The following CAMK2D variants were observed in gnomAD, a reference collection of about 807,000 sequenced individuals.
CAMK2D encodes calcium/calmodulin-dependent protein kinase type II subunit delta.
CAMK2D carries 37 observed loss-of-function variants against 84.0 expected under a neutral mutation model. The observed-to-expected ratio is 0.44, with a 90% CI of 0.34 to 0.58. The LOEUF (loss-of-function observed/expected upper bound fraction) is 0.58, where lower values mean the gene tolerates loss of function less well. CAMK2D is among the 20% of genes least tolerant of loss of function. CAMK2D has a pLI of 0.02. For synonymous variants in CAMK2D, 202 were observed against 212.5 expected (o/e 0.95, Z 0.43); for missense variants, 448 against 652.5 (o/e 0.69, Z 3.41).
Position 113,526,414 on chromosome 4 carries a change from ATG to A in CAMK2D, c.601+4800_601+4801del, listed in dbSNP as rs35503858. Among the ~76,000 whole-genome samples the A allele has an allele frequency of 1.5e-3, 226 of 149,656 alleles. 2 individuals are homozygous for A. Among genetic ancestry groups the A allele is most frequent in the Admixed American group, 6.0e-3 (90 of 15,032 alleles). On this transcript the variant is annotated intron_variant, in intron 8 of 20. Coordinates refer to ENST00000511664, the MANE Select transcript of CAMK2D (RefSeq NM_001321571.2). ...ATAAGTTTCTAAGGAGTCATTCTTG[ATG>A]TGTGTGTGTGTGTGTGTGTGTGTGT...
chr4:113,732,379 T>C (rs554816429), intron 2 of CAMK2D, among the ~76,000 whole-genome samples: 3 of 152,170 alleles, frequency 2.0e-5, no homozygotes, highest in African/African-American at 7.2e-5. Context: ...TGCATGGGCC[T>C]CCCAAAATGC....
At chr4:113,728,380 C>T (rs2099552471) in intron 2 of CAMK2D, among the ~76,000 whole-genome samples, 1 of 152,040 alleles carries the variant, frequency 6.6e-6, no homozygotes, top group African/African-American at 2.4e-5. Flanking sequence ...TGTTCTATTC[C>T]ATTCACATGA....
chr4:113,704,741 T>C (rs1429886550), intron 2 of CAMK2D, among the ~76,000 whole-genome samples: 3 of 152,108 alleles, frequency 2.0e-5, no homozygotes, highest in African/African-American at 7.2e-5. Flanking sequence ...GTTTATTTAC[T>C]CTAGGTTAAG....
chr4:113,686,464 T>G (rs1249173907), intron 2 of CAMK2D, among the ~76,000 whole-genome samples: 2 of 152,218 alleles, frequency 1.3e-5, no homozygotes, highest in Non-Finnish European at 2.9e-5. Context: ...CTCAAAATCT[T>G]AAGTAAGGTA....
chr4:113,760,021 A>G (rs987963518), intron 1 of CAMK2D, among the ~76,000 whole-genome samples: 1 of 152,184 alleles, frequency 6.6e-6, no homozygotes, highest in Non-Finnish European at 1.5e-5. Flanking sequence ...TATTACTTTT[A>G]AAAATATTTA....
At chr4:113,702,425 G>A (rs1002049248) in intron 2 of CAMK2D, among the ~76,000 whole-genome samples, 5 of 152,126 alleles carry the variant, frequency 3.3e-5, no homozygotes, top group Non-Finnish European at 7.3e-5. Flanking sequence ...TATGGCCAAA[G>A]GGACCATCAT....
chr4:113,755,153 C>A, intron 2 of CAMK2D: 1 of 535,642 alleles, frequency 1.9e-6, no homozygotes, highest in Non-Finnish European at 2.4e-6. Flanking sequence ...TTTACAACAT[C>A]AAAAAAGGTT....
At chr4:113,578,783 GAGA>G (rs377303964) in intron 4 of CAMK2D, among the ~76,000 whole-genome samples, 11 of 152,182 alleles carry the variant, frequency 7.2e-5, no homozygotes, top group African/African-American at 2.7e-4. Flanking sequence ...GATTTTAACA[GAGA>G]AGGTTAAGAG....
chr4:113,608,521 T>C (rs1330116858), intron 4 of CAMK2D, among the ~76,000 whole-genome samples: 1 of 152,174 alleles, frequency 6.6e-6, no homozygotes, highest in African/African-American at 2.4e-5. Flanking sequence ...ATGGACTTTG[T>C]TCTGAGGAGT....
chr4:113,513,961 C>CTAAATATTATACTAAA, intron 10 of CAMK2D, 48 bp from the exon 11 acceptor site: 1 of 848,964 alleles, frequency 1.2e-6, no homozygotes, highest in Non-Finnish European at 1.9e-6. Flanking sequence ...ATTTAAAACA[C>CTAAATATTATACTAAA]ACTAAGTATA....
chr4:113,628,653 T>C (rs1245015261), intron 3 of CAMK2D, among the ~76,000 whole-genome samples: 1 of 152,098 alleles, frequency 6.6e-6, no homozygotes. Flanking sequence ...CTGAAGATGA[T>C]GCACGTAAAT....
intron 16 of CAMK2D, among the ~76,000 whole-genome samples, chr4:113,492,061 T>C (rs908728663): frequency 6.6e-6 from 1 of 152,218 alleles, no homozygotes; most frequent in African/African-American, 2.4e-5. Flanking sequence ...CCTAGCGGTC[T>C]ATCAATTTTG....
chr4:113,460,737 GTGTA>G (rs2097363480), intron 17 of CAMK2D, among the ~76,000 whole-genome samples: 1 of 151,944 alleles, frequency 6.6e-6, no homozygotes. Context: ...CCAGGCTGGA[GTGTA>G]TTGGTGCAAT....
chr4:113,739,824 T>C (rs1368815957), intron 2 of CAMK2D, among the ~76,000 whole-genome samples: 1 of 152,016 alleles, frequency 6.6e-6, no homozygotes, highest in Non-Finnish European at 1.5e-5. Context: ...ATTCAGGGGG[T>C]ACATGTTCAA....
At chr4:113,609,742 C>A (rs918895268) in intron 3 of CAMK2D, among the ~76,000 whole-genome samples, 2 of 152,196 alleles carry the variant, frequency 1.3e-5, no homozygotes, top group African/African-American at 4.8e-5. Flanking sequence ...CTAGGTGGCA[C>A]TCCCTGGCCA....
chr4:113,603,884 C>T (rs1310326817), intron 4 of CAMK2D, among the ~76,000 whole-genome samples: 2 of 147,082 alleles, frequency 1.4e-5, no homozygotes, highest in Non-Finnish European at 3.0e-5. Context: ...AGCTTGAGAC[C>T]GGAAGTTTGA....
intron 3 of CAMK2D, among the ~76,000 whole-genome samples, chr4:113,630,370 G>A (rs1191217363): frequency 6.6e-6 from 1 of 152,082 alleles, no homozygotes; most frequent in Non-Finnish European, 1.5e-5. Flanking sequence ...TGCGGTCTTT[G>A]AGAAAAATCA....
At chr4:113,606,340 C>T (rs1003890979) in intron 4 of CAMK2D, among the ~76,000 whole-genome samples, 3 of 151,726 alleles carry the variant, frequency 2.0e-5, no homozygotes, top group Non-Finnish European at 4.4e-5. Context: ...CATGGTGGCG[C>T]GCGCCTGTAA....
chr4:113,544,072 G>T (rs907208426), intron 6 of CAMK2D, among the ~76,000 whole-genome samples: 3 of 152,050 alleles, frequency 2.0e-5, no homozygotes, highest in Non-Finnish European at 4.4e-5. Flanking sequence ...TCTTCATGTG[G>T]CAATTACTAA....
Sources: allele counts gnomAD v4.1 joint callset (sites outside exome capture counted in the v4.1 genomes callset), GRCh38; gene constraint gnomAD v4.1.1; transcripts MANE v1.5; gene names NCBI Gene and HGNC (gene_info 2026-07-23, HGNC 2026-07-21).